CLNK: variants seen among roughly 807,000 people sequenced by gnomAD.
CLNK encodes cytokine-dependent hematopoietic cell linker.
Under a neutral mutation model 68.6 loss-of-function variants are expected in CLNK, and 74 were observed. The ratio of observed to expected loss-of-function variants is 1.08; its 90% CI spans 0.89 to 1.31. The LOEUF is 1.31. Ranked by LOEUF, CLNK falls within the 50% of genes most tolerant of loss-of-function variation. The pLI, the probability that CLNK is intolerant of heterozygous loss-of-function variation, is 0.00. For missense variants in CLNK, 553 were observed against 515.3 expected (o/e 1.07, Z -0.71); for synonymous variants, 198 against 172.2 (o/e 1.15, Z -1.17).
At chr4:10,570,194 C>G (rs1720287756) in intron 5 of CLNK, among the ~76,000 whole-genome samples, 1 of 152,192 alleles carries the variant, frequency 6.6e-6, no homozygotes, top group Non-Finnish European at 1.5e-5. Context: ...AGGGCATAGC[C>G]TCTTGGGGGA....
the CLNK span, among the ~76,000 whole-genome samples, chr4:10,727,102 C>A: frequency 1.3e-5 from 2 of 152,262 alleles, no homozygotes; most frequent in African/African-American, 4.8e-5. Flanking sequence ...GCACAGGGGA[C>A]ATGTGGCAAC....
chr4:10,667,976 G>C, intron 1 of CLNK, 65 bp from the exon 2 acceptor site: 1 of 861,146 alleles, frequency 1.2e-6, no homozygotes, highest in Non-Finnish European at 1.8e-6. Context: ...TGGGGAACAA[G>C]CCACTGTTGC....
chr4:10,495,824 T>TAGAG (rs35333663), intron 18 of CLNK, among the ~76,000 whole-genome samples: 33 of 150,504 alleles, frequency 2.2e-4, no homozygotes, highest in African/African-American at 4.4e-4. Flanking sequence ...CACGTGACCA[T>TAGAG]AGAGAGAGAG....
chr4:10,729,035 T>C, the CLNK span, among the ~76,000 whole-genome samples: 1 of 152,246 alleles, frequency 6.6e-6, no homozygotes, highest in Non-Finnish European at 1.5e-5. Context: ...TCAACCCAGA[T>C]GCATGTTTTA....
intron 2 of CLNK, among the ~76,000 whole-genome samples, chr4:10,627,100 T>C (rs1035349940): frequency 6.6e-6 from 1 of 152,190 alleles, no homozygotes; most frequent in Non-Finnish European, 1.5e-5. Context: ...GACTTAAACT[T>C]TCCTTTTTCT....
At chr4:10,601,326 GGGA>G (rs1041927342) in intron 2 of CLNK, among the ~76,000 whole-genome samples, 2 of 152,168 alleles carry the variant, frequency 1.3e-5, no homozygotes, top group African/African-American at 4.8e-5. Context: ...ATGGAGAATG[GGGA>G]GGAGGAGGTG....
At chr4:10,711,034 T>C in the CLNK span, among the ~76,000 whole-genome samples, 1 of 152,254 alleles carries the variant, frequency 6.6e-6, no homozygotes, top group Admixed American at 6.5e-5. Context: ...GAGTCTGTCT[T>C]GACTTCAGAT....
At chr4:10,657,740 G>C (rs1724038635) in intron 2 of CLNK, among the ~76,000 whole-genome samples, 1 of 152,106 alleles carries the variant, frequency 6.6e-6, no homozygotes, top group Admixed American at 6.6e-5. Flanking sequence ...AATCCAGACG[G>C]CCAACACAGG....
At chr4:10,642,507 G>A (rs1723347358) in intron 2 of CLNK, among the ~76,000 whole-genome samples, 1 of 152,180 alleles carries the variant, frequency 6.6e-6, no homozygotes, top group Non-Finnish European at 1.5e-5. Flanking sequence ...GGACCATAAG[G>A]ATAGAAGCAG....
In CLNK at chr4:10,486,409, A is replaced by G. The variant is rs1716354581; in HGVS notation, c.*4058T>C. The G allele has an allele frequency of 6.6e-6, 1 of 152,204 alleles. No individual in the cohort carries two copies. Among genetic ancestry groups the G allele is most frequent in the Non-Finnish European group, 1.5e-5 (1 of 68,042 alleles). The allele number at this position is 152,204 out of a possible 1,614,324, so 9.4% of individuals were successfully genotyped here. ...AGAGAAAATTATAACATTCAATTAC[A>G]TATTTACTTTTATTTACATTAGTAA... On this transcript the variant is annotated 3_prime_UTR_variant, in exon 19 of 19. Coordinates refer to ENST00000226951, the MANE Select transcript of CLNK (RefSeq NM_052964.4).
At chr4:10,723,636 G>A in the CLNK span, among the ~76,000 whole-genome samples, 1 of 152,188 alleles carries the variant, frequency 6.6e-6, no homozygotes, top group African/African-American at 2.4e-5. Context: ...ACTTCTTTGA[G>A]GCAGGGACTA....
chr4:10,540,127 GT>G (rs1161230874), intron 11 of CLNK, among the ~76,000 whole-genome samples: 1 of 152,190 alleles, frequency 6.6e-6, no homozygotes, highest in Non-Finnish European at 1.5e-5. Flanking sequence ...TCATGGAGCA[GT>G]TTCCCCTATG....
At chr4:10,604,484 G>C (rs997787581) in intron 2 of CLNK, among the ~76,000 whole-genome samples, 1 of 152,110 alleles carries the variant, frequency 6.6e-6, no homozygotes, top group East Asian at 1.9e-4. Flanking sequence ...AGGTTCTGGG[G>C]TCATGATACA....
chr4:10,564,673 T>C lies in CLNK; in HGVS notation c.397A>G (p.Arg133Gly). The change falls in exon 7 of 19, where the codon AGA becomes GGA. Residue 133 changes from arginine to glycine, a missense_variant and splice_region_variant. Transcript: ENST00000226951. Reference protein sequence around the residue: ...PTWNTQTRLERVDKPISKDVR... With the variant: ...PTWNTQTRLEGVDKPISKDVR... ...CACAATGTCCAGTCTTTACTCACTCTTTCCAACCTCGTCTGTGTGTTCCAG... is the reference window on the plus strand; with the variant it reads ...CACAATGTCCAGTCTTTACTCACTCCTTCCAACCTCGTCTGTGTGTTCCAG... 5 of 1,607,708 alleles carry C rather than the reference T, an allele frequency of 3.1e-6. No homozygotes were observed. The highest frequency in any genetic ancestry group is 1.1e-5 in the South Asian group (1 of 90,920).
intron 18 of CLNK, among the ~76,000 whole-genome samples, chr4:10,498,650 G>T (rs990401986): frequency 6.6e-6 from 1 of 152,138 alleles, no homozygotes; most frequent in Non-Finnish European, 1.5e-5. Flanking sequence ...TTATTAAAAT[G>T]ACTCAGGAAT....
At chr4:10,691,606 C>CA in the CLNK span, among the ~76,000 whole-genome samples, 71,982 of 148,434 alleles carry the variant, frequency 0.48, 17,353 homozygotes, top group South Asian at 0.57. Flanking sequence ...TCCATAACAG[C>CA]AAAAAAAAAA....
At chr4:10,691,147 T>C in the CLNK span, among the ~76,000 whole-genome samples, 1 of 152,096 alleles carries the variant, frequency 6.6e-6, no homozygotes, top group Admixed American at 6.6e-5. Flanking sequence ...AAGAATTAGC[T>C]TTGGGGGTCT....
intron 8 of CLNK, among the ~76,000 whole-genome samples, chr4:10,547,164 T>TTA (rs1011788398): frequency 2.6e-5 from 4 of 152,126 alleles, no homozygotes; most frequent in African/African-American, 9.7e-5. Context: ...GACACTTGAA[T>TTA]TATAGCAGGT....
intron 8 of CLNK, among the ~76,000 whole-genome samples, chr4:10,555,514 T>G (rs1220362525): frequency 1.3e-5 from 2 of 152,210 alleles, no homozygotes; most frequent in Non-Finnish European, 2.9e-5. Context: ...AAATAAACTT[T>G]TACCTATTTT....
Sources: allele counts gnomAD v4.1 joint callset (sites outside exome capture counted in the v4.1 genomes callset), GRCh38; gene constraint gnomAD v4.1.1; transcripts MANE v1.5; gene names NCBI Gene and HGNC (gene_info 2026-07-23, HGNC 2026-07-21).